RBPJ: variants seen among roughly 807,000 people sequenced by gnomAD.
The protein encoded by RBPJ is recombining binding protein suppressor of hairless.
In RBPJ, 9 loss-of-function variants were observed where a neutral mutation model predicts 67.8. The observed-to-expected ratio is 0.13, with a 90% CI of 0.08 to 0.23. RBPJ has a LOEUF of 0.23. Ranked by LOEUF, RBPJ falls within the 10% of genes least tolerant of loss-of-function variation. RBPJ has a pLI of 1.00. For missense variants in RBPJ, 305 were observed against 595.6 expected, an observed-to-expected ratio of 0.51 and a Z score of 5.08; for synonymous variants, 198 against 203.3, an observed-to-expected ratio of 0.97 and a Z score of 0.22.
intron 1 of RBPJ, among the ~76,000 whole-genome samples, chr4:26,372,955 A>G (rs1041137387): frequency 6.6e-6 from 1 of 152,194 alleles, no homozygotes; most frequent in African/African-American, 2.4e-5. Flanking sequence ...CAGGAAGGCA[A>G]CGTGACAGCT....
the RBPJ span, among the ~76,000 whole-genome samples, chr4:26,109,950 A>G: frequency 6.6e-6 from 1 of 151,968 alleles, no homozygotes; most frequent in Non-Finnish European, 1.5e-5. Context: ...TCTGGGATGA[A>G]ACCTTAAGTG....
chr4:26,133,972 C>A, the RBPJ span, among the ~76,000 whole-genome samples: 20 of 152,252 alleles, frequency 1.3e-4, no homozygotes, highest in East Asian at 3.7e-3. Context: ...CAGGGACTGT[C>A]AGAGGGAGCT....
chr4:26,378,146 GT>G (rs1371533941), intron 1 of RBPJ, among the ~76,000 whole-genome samples: 5 of 152,082 alleles, frequency 3.3e-5, no homozygotes, highest in African/African-American at 1.2e-4. Flanking sequence ...CACAGTTGGG[GT>G]TTGTTCCTCA....
chr4:26,255,972 T>C (rs1456531005), intron 1 of RBPJ, among the ~76,000 whole-genome samples: 1 of 152,164 alleles, frequency 6.6e-6, no homozygotes, highest in Admixed American at 6.6e-5. Context: ...GTACTTCTTG[T>C]TTTCTATTTC....
intron 1 of RBPJ, among the ~76,000 whole-genome samples, chr4:26,345,816 C>CA (rs1381484719): frequency 1.3e-5 from 2 of 152,118 alleles, no homozygotes; most frequent in Non-Finnish European, 2.9e-5. Context: ...TACTTTGAGG[C>CA]ATTGGTAGGT....
chr4:26,191,257 GGA>G (rs1560204286), intron 1 of RBPJ, among the ~76,000 whole-genome samples: 1 of 116,324 alleles, frequency 8.6e-6, no homozygotes, highest in Non-Finnish European at 1.8e-5. Context: ...AGAGAGAGAG[GGA>G]GAGAGGGAGA....
chr4:26,205,464 T>C (rs1221404899), intron 1 of RBPJ, among the ~76,000 whole-genome samples: 1 of 152,174 alleles, frequency 6.6e-6, no homozygotes, highest in East Asian at 1.9e-4. Context: ...CAGTCCTACA[T>C]TGCTGCAGTT....
chr4:26,221,329 A>T (rs1181074200), intron 1 of RBPJ, among the ~76,000 whole-genome samples: 1 of 152,116 alleles, frequency 6.6e-6, no homozygotes, highest in Non-Finnish European at 1.5e-5. Flanking sequence ...TGACCTCGTG[A>T]TCCACCCGCC....
At chr4:26,113,477 G>A in the RBPJ span, 1 of 553,368 alleles carries the variant, frequency 1.8e-6, no homozygotes, top group African/African-American at 1.9e-5. Context: ...AACACACACA[G>A]GAGAAAAGCC....
chr4:26,241,699 G>A (rs7696245), intron 1 of RBPJ, among the ~76,000 whole-genome samples: 40,926 of 151,528 alleles, frequency 0.27, 5,618 homozygotes, highest in African/African-American at 0.31. Context: ...TTTAGTAGAG[G>A]CAGGGTTTCG....
intron 1 of RBPJ, among the ~76,000 whole-genome samples, chr4:26,330,275 A>G (rs1378824462): frequency 6.6e-6 from 1 of 152,228 alleles, no homozygotes; most frequent in Non-Finnish European, 1.5e-5. Context: ...GAAAAGGAGC[A>G]ATTATTTTAC....
In RBPJ at chr4:26,424,445, T is replaced by C; in HGVS notation, c.600T>C (p.Ser200=). 1 of 1,614,156 alleles carries C rather than the reference T, an allele frequency of 6.2e-7. No homozygotes were observed. The highest frequency in any genetic ancestry group is 8.5e-7 in the Non-Finnish European group (1 of 1,179,994). ...LHVEGGNFHA[S]SQQWGAFFIH... ...TAGAAGGAGGTAATTTTCATGCCAG[T>C]TCACAGCAGTGGGGAGCCTTTTTTA... The change falls in exon 6 of 11, where the codon AGT becomes AGC. Residue 200 remains serine (S), a synonymous_variant. Transcript: ENST00000355476. This position sits in a 1 kb window ranked among gnomAD's most constrained non-coding sequence, Gnocchi z 5.3.
At chr4:26,326,978 T>C (rs886574077) in intron 1 of RBPJ, among the ~76,000 whole-genome samples, 2 of 152,178 alleles carry the variant, frequency 1.3e-5, no homozygotes, top group African/African-American at 4.8e-5. Flanking sequence ...ACGAATGTTG[T>C]CATTGAGTCA....
intron 1 of RBPJ, among the ~76,000 whole-genome samples, chr4:26,307,382 G>A (rs1445804165): frequency 2.6e-5 from 4 of 152,188 alleles, no homozygotes; most frequent in African/African-American, 9.7e-5. Flanking sequence ...CTGTTTTTCA[G>A]AAGTTATTTT....
intron 1 of RBPJ, among the ~76,000 whole-genome samples, chr4:26,180,341 A>G (rs1257461767): frequency 6.6e-6 from 1 of 152,156 alleles, no homozygotes; most frequent in Admixed American, 6.5e-5. Context: ...TTAAAAAAAA[A>G]AAAAAGAAAG....
chr4:26,145,157 T>A, the RBPJ span, among the ~76,000 whole-genome samples: 1 of 129,256 alleles, frequency 7.7e-6, no homozygotes, highest in Non-Finnish European at 1.8e-5. Context: ...TTGGATCACC[T>A]GTCATACAAG....
chr4:26,125,880 C>T, the RBPJ span, among the ~76,000 whole-genome samples: 18 of 152,226 alleles, frequency 1.2e-4, no homozygotes, highest in Middle Eastern at 3.4e-3. Context: ...GAGGATTCCA[C>T]CCATAAGAAC....
intron 1 of RBPJ, among the ~76,000 whole-genome samples, chr4:26,262,502 A>G (rs73114528): frequency 0.017 from 2,653 of 152,312 alleles, 90 homozygotes; most frequent in African/African-American, 0.061. Flanking sequence ...CTTCGAGGAT[A>G]ACTTTCCTGT....
chr4:26,217,495 C>T (rs1718758531), intron 1 of RBPJ, among the ~76,000 whole-genome samples: 2 of 151,950 alleles, frequency 1.3e-5, no homozygotes, highest in African/African-American at 4.8e-5. Context: ...CTATTTTAGC[C>T]AGGAGGATGC....
Sources: allele counts gnomAD v4.1 joint callset (sites outside exome capture counted in the v4.1 genomes callset), GRCh38; gene constraint gnomAD v4.1.1; non-coding constraint Gnocchi (gnomAD v3.1); transcripts MANE v1.5; gene names NCBI Gene and HGNC (gene_info 2026-07-23, HGNC 2026-07-21).